Variants in CACNA1C observed in about 807,000 individuals in gnomAD.
CACNA1C encodes the protein voltage-dependent L-type calcium channel subunit alpha-1C.
In CACNA1C, 30 loss-of-function variants were observed where a neutral mutation model predicts 229.0. The ratio of observed to expected loss-of-function variants is 0.13; its 90% CI spans 0.10 to 0.18. The LOEUF is 0.18. Ranked by LOEUF, CACNA1C falls within the 10% of genes least tolerant of loss-of-function variation. The probability of loss-of-function intolerance (pLI) is 1.00; values close to 1 mark genes in which losing one functional copy is unlikely to be tolerated. For missense variants in CACNA1C, 1,658 were observed against 2,845.0 expected, an observed-to-expected ratio of 0.58 and a Z score of 9.49; for synonymous variants, 1,114 against 1,132.5, an observed-to-expected ratio of 0.98 and a Z score of 0.33.
At chr12:2,276,945 A>G (rs2154429824) in intron 3 of CACNA1C, among the ~76,000 whole-genome samples, 2 of 152,256 alleles carry the variant, frequency 1.3e-5, no homozygotes, top group Middle Eastern at 3.4e-3. Flanking sequence ...TAGCTACTCC[A>G]TAAAACTACC....
chr12:2,515,464 T>C lies in CACNA1C; in HGVS notation c.1390+2480T>C, dbSNP rs369650886. Among the ~76,000 whole-genome samples, 14 of 152,336 alleles carry C rather than the reference T, an allele frequency of 9.2e-5. No individual in the cohort carries two copies. The East Asian group carries it at 1.9e-3, about 21-fold the overall frequency. ...GAGAAATCCTGCTACGTTTGAAGCA[T>C]GTGTGTTTCAATTACCGTAATATCT... On this transcript the variant is annotated intron_variant, in intron 9 of 46. Coordinates refer to ENST00000399655, the MANE Select transcript of CACNA1C (RefSeq NM_000719.7).
At chr12:2,684,826 C>T (rs1281055003) in intron 43 of CACNA1C, among the ~76,000 whole-genome samples, 1 of 152,176 alleles carries the variant, frequency 6.6e-6, no homozygotes, top group Non-Finnish European at 1.5e-5. Context: ...ATAAATACTG[C>T]GGTCTGCACT....
In CACNA1C at chr12:2,192,739, C is replaced by T. The variant is rs78671932; in HGVS notation, c.477+72309C>T. Reference sequence around the variant, plus strand: ...CCCCCCACTCTCCCCCTCCTCCACACGGTACCTGGCACTCCCCCCACTCTC... The same window carrying T: ...CCCCCCACTCTCCCCCTCCTCCACATGGTACCTGGCACTCCCCCCACTCTC... On this transcript the variant is annotated intron_variant, in intron 3 of 46. Coordinates refer to ENST00000399655, the MANE Select transcript of CACNA1C (RefSeq NM_000719.7). 6.6e-3 allele frequency among the ~76,000 whole-genome samples: 995 copies of T among 151,138 alleles called. 7 individuals are homozygous for T. The highest frequency in any genetic ancestry group is 0.023 in the African/African-American group (944 of 41,078).
At chr12:2,377,593 C>T (rs1442345176) in intron 3 of CACNA1C, among the ~76,000 whole-genome samples, 1 of 152,164 alleles carries the variant, frequency 6.6e-6, no homozygotes, top group Non-Finnish European at 1.5e-5. Context: ...TAAAGAAACA[C>T]CCCATACCTC....
chr12:2,331,256 A>G (rs1486286116), intron 3 of CACNA1C, among the ~76,000 whole-genome samples: 1 of 152,190 alleles, frequency 6.6e-6, no homozygotes, highest in African/African-American at 2.4e-5. Flanking sequence ...ATGGATGTAT[A>G]TATAATATGG....
chr12:2,458,718 G>A (rs1332010201), intron 5 of CACNA1C, among the ~76,000 whole-genome samples: 1 of 152,172 alleles, frequency 6.6e-6, no homozygotes, highest in Non-Finnish European at 1.5e-5. Flanking sequence ...CTGAGCACTT[G>A]GTTACCGGTG....
chr12:2,090,643 C>T (rs905278355), intron 1 of CACNA1C, among the ~76,000 whole-genome samples: 1 of 152,170 alleles, frequency 6.6e-6, no homozygotes, highest in Non-Finnish European at 1.5e-5. Context: ...TTTGTTTGTC[C>T]ATTCTTCTGT....
intron 28 of CACNA1C, 124 bp from the exon 29 acceptor site, chr12:2,611,779 C>G (rs2077922752): frequency 1.6e-6 from 1 of 629,364 alleles, no homozygotes; most frequent in Non-Finnish European, 2.9e-6. Context: ...GGGCGGCCCT[C>G]TGGGGGTTTG....
chr12:2,429,144 T>C (rs2099059606), intron 3 of CACNA1C, among the ~76,000 whole-genome samples: 1 of 151,894 alleles, frequency 6.6e-6, no homozygotes, highest in Non-Finnish European at 1.5e-5. Flanking sequence ...GTCACATGGC[T>C]TCCCTCTTTG....
In CACNA1C at chr12:2,287,457, A is replaced by T. The variant is rs1171091640; in HGVS notation, c.478-161519A>T. ...CTGTTTAGGAAGGTTGGGTCAGTGG[A>T]GATCAGGGCCCGAAGAGCAGTTTCA... On this transcript the variant is annotated intron_variant, in intron 3 of 46. Coordinates refer to ENST00000399655, the MANE Select transcript of CACNA1C (RefSeq NM_000719.7). This position sits in a 1 kb window ranked among gnomAD's most constrained non-coding sequence, Gnocchi z 4.6. 6.6e-6 allele frequency among the ~76,000 whole-genome samples: 1 copy of T among 152,150 alleles called. No homozygotes were observed. Among genetic ancestry groups the T allele is most frequent in the Non-Finnish European group, 1.5e-5 (1 of 68,024 alleles).
intron 3 of CACNA1C, among the ~76,000 whole-genome samples, chr12:2,173,637 C>T (rs571899875): frequency 2.6e-5 from 4 of 152,172 alleles, no homozygotes; most frequent in Admixed American, 1.3e-4. Flanking sequence ...GCGGGACTCC[C>T]TTTCTCCCCG....
rs771090446 is a variant in CACNA1C at position 2,632,055 on chromosome 12, C to G, written c.3829-2242C>G. Among the ~76,000 whole-genome samples the G allele has an allele frequency of 6.6e-6, 1 of 151,820 alleles. No homozygotes were observed. The highest frequency in any genetic ancestry group is 2.1e-4 in the South Asian group (1 of 4,788). The stretch of plus-strand genomic sequence containing the variant: ...CTGGGGAGAGATCTGGGGAACCTCT[C>G]GGAGGACGCTTCATGCTTTCATACC... On this transcript the variant is annotated intron_variant, in intron 29 of 46. Transcript: ENST00000399655. This position sits in a 1 kb window ranked among gnomAD's most constrained non-coding sequence, Gnocchi z 4.1.
chr12:2,642,722 A>C (rs1284474410), intron 30 of CACNA1C, among the ~76,000 whole-genome samples: 1 of 152,106 alleles, frequency 6.6e-6, no homozygotes, highest in Non-Finnish European at 1.5e-5. Flanking sequence ...GAATTCTTTG[A>C]TGTAGTTAGT....
At position 2,466,714 on chromosome 12, in the gene CACNA1C, G is replaced by A. The variant is rs183000404; in HGVS notation, c.757+9008G>A. Among the ~76,000 whole-genome samples the A allele has an allele frequency of 2.3e-4, 35 of 152,266 alleles. 2 individuals carry two copies. Among genetic ancestry groups the A allele is most frequent in the South Asian group, 2.1e-3 (10 of 4,818 alleles). ...CCAGCCTCCAGCCCTGCATTCACCC[G>A]GACAAGCCTGGAGACCTTGGGCAGG... On this transcript the variant is annotated intron_variant, in intron 5 of 46. Coordinates refer to ENST00000399655, the MANE Select transcript of CACNA1C (RefSeq NM_000719.7).
At chr12:2,523,102 AG>A (rs1274470109) in intron 9 of CACNA1C, among the ~76,000 whole-genome samples, 1 of 89,488 alleles carries the variant, frequency 1.1e-5, no homozygotes, top group Non-Finnish European at 2.0e-5. Context: ...TATGCAAAGC[AG>A]GTGGACGGAG....
intron 9 of CACNA1C, among the ~76,000 whole-genome samples, chr12:2,529,718 C>G (rs1374603295): frequency 6.6e-6 from 1 of 152,226 alleles, no homozygotes; most frequent in Non-Finnish European, 1.5e-5. Flanking sequence ...TTTCACTTCT[C>G]AAGGAGGACA....
chr12:2,347,962 C>G (rs1024837010), intron 3 of CACNA1C, among the ~76,000 whole-genome samples: 19 of 152,354 alleles, frequency 1.2e-4, no homozygotes. Flanking sequence ...AGGATTATGC[C>G]CTGGGGCCAT....
chr12:2,330,000 C>A (rs988191364), intron 3 of CACNA1C, among the ~76,000 whole-genome samples: 2 of 152,188 alleles, frequency 1.3e-5, no homozygotes, highest in African/African-American at 4.8e-5. Flanking sequence ...AAATACATAT[C>A]TTTAAACACT....
chr12:2,579,575 TATTAATTA>T (rs904607274), intron 13 of CACNA1C, among the ~76,000 whole-genome samples: 1 of 152,036 alleles, frequency 6.6e-6, no homozygotes, highest in Non-Finnish European at 1.5e-5. Flanking sequence ...GTTGTTCTAT[TATTAATTA>T]ATTAATTAAT....
Sources: allele counts gnomAD v4.1 joint callset (sites outside exome capture counted in the v4.1 genomes callset), GRCh38; gene constraint gnomAD v4.1.1; non-coding constraint Gnocchi (gnomAD v3.1); transcripts MANE v1.5; gene names NCBI Gene and HGNC (gene_info 2026-07-23, HGNC 2026-07-21).